Variants in DAP observed in about 807,000 individuals in gnomAD.
DAP encodes death-associated protein 1.
Under a neutral mutation model 13.8 loss-of-function variants are expected in DAP, and 8 were observed. That is an observed-to-expected ratio of 0.58 (90% CI 0.34 to 1.05). The LOEUF (loss-of-function observed/expected upper bound fraction) is 1.05, where lower values mean the gene tolerates loss of function less well. DAP is among the 50% of genes least tolerant of loss of function. The pLI is 0.03. For missense variants in DAP, 106 were observed against 133.2 expected, an observed-to-expected ratio of 0.80 and a Z score of 1.01; for synonymous variants, 47 against 47.5, an observed-to-expected ratio of 0.99 and a Z score of 0.04.
At chr5:10,693,125 C>CAA (rs1491541819) in intron 2 of DAP, among the ~76,000 whole-genome samples, 1 of 280 alleles carries the variant, frequency 3.6e-3, no homozygotes, top group African/African-American at 0.031. Flanking sequence ...CATGCACACG[C>CAA]ACACACACAC....
rs565600773 is a variant in DAP at position 10,759,014 on chromosome 5, C to T, written c.55+2000G>A. Among the ~76,000 whole-genome samples, 8 of 152,214 alleles carry T rather than the reference C, an allele frequency of 5.3e-5. 1 individual carries two copies. The South Asian group carries it at 6.2e-4, about 12-fold the overall frequency. Reference sequence around the variant, plus strand: ...CCAGCCTGGCCAACATGGCAAAATCCGGTCTCTACTAAAAATACAAAAATC... The same window carrying T: ...CCAGCCTGGCCAACATGGCAAAATCTGGTCTCTACTAAAAATACAAAAATC... On this transcript the variant is annotated intron_variant, in intron 1 of 3. Coordinates refer to ENST00000230895, the MANE Select transcript of DAP (RefSeq NM_004394.3).
intron 2 of DAP, among the ~76,000 whole-genome samples, chr5:10,738,199 G>C (rs1739662090): frequency 6.6e-6 from 1 of 152,162 alleles, no homozygotes; most frequent in African/African-American, 2.4e-5. Flanking sequence ...GGCAGCCCTG[G>C]GAAACAAATA....
At chr5:10,721,166 T>C (rs1457031182) in intron 2 of DAP, among the ~76,000 whole-genome samples, 1 of 152,192 alleles carries the variant, frequency 6.6e-6, no homozygotes, top group African/African-American at 2.4e-5. Context: ...GTGTATGCTC[T>C]CAGTCAGCCT....
At position 10,748,160 on chromosome 5, in the gene DAP, C is replaced by G. The variant is rs149545161; in HGVS notation, c.152+15G>C. The G allele has an allele frequency of 1.3e-6, 2 of 1,574,906 alleles. No homozygotes were observed. The highest frequency in any genetic ancestry group is 1.7e-6 in the Non-Finnish European group (2 of 1,144,176). ...TTTTGGAAAACATGCTCAAGAGTCG[C>G]TAGCATCATCCCACCTGGGGCTTTC... On this transcript the variant is annotated intron_variant, in intron 2 of 3. Transcript: ENST00000230895.
At chr5:10,754,791 C>T (rs529029071) in intron 1 of DAP, among the ~76,000 whole-genome samples, 1 of 152,206 alleles carries the variant, frequency 6.6e-6, no homozygotes, top group Non-Finnish European at 1.5e-5. Flanking sequence ...GAGGCTAGGA[C>T]TAGTCAGGTG....
chr5:10,718,000 T>C (rs989094269), intron 2 of DAP, among the ~76,000 whole-genome samples: 4 of 152,144 alleles, frequency 2.6e-5, no homozygotes, highest in African/African-American at 9.7e-5. Flanking sequence ...CCAGAACCCC[T>C]TGAATGAAGG....
At chr5:10,719,906 A>G (rs1739094477) in intron 2 of DAP, among the ~76,000 whole-genome samples, 1 of 152,200 alleles carries the variant, frequency 6.6e-6, no homozygotes, top group Admixed American at 6.5e-5. Context: ...CCAAAAGTAG[A>G]CAGCTGCAGC....
intron 2 of DAP, among the ~76,000 whole-genome samples, chr5:10,715,211 A>G (rs755292428): frequency 3.9e-5 from 6 of 152,090 alleles, no homozygotes; most frequent in South Asian, 2.1e-4. Context: ...AATGTTGGAG[A>G]GGTTAAAGAC....
intron 2 of DAP, among the ~76,000 whole-genome samples, chr5:10,705,840 G>C (rs1416225980): frequency 3.3e-5 from 5 of 152,274 alleles, no homozygotes; most frequent in Non-Finnish European, 7.4e-5. Context: ...TGGTTAGGTG[G>C]GTATGCTGGA....
At chr5:10,749,039 G>A (rs1004559735) in intron 1 of DAP, among the ~76,000 whole-genome samples, 1 of 152,080 alleles carries the variant, frequency 6.6e-6, no homozygotes, top group South Asian at 2.1e-4. Context: ...TGCTTATTTC[G>A]GACATGTGAT....
chr5:10,758,221 T>TA lies in DAP; in HGVS notation c.55+2792_55+2793insT, dbSNP rs1561038808. 4.7e-3 allele frequency among the ~76,000 whole-genome samples: 713 copies of TA among 151,548 alleles called. 6 individuals are homozygous for TA. The highest frequency in any genetic ancestry group is 0.016 in the African/African-American group (652 of 41,224). On this transcript the variant is annotated intron_variant, in intron 1 of 3. Coordinates refer to ENST00000230895, the MANE Select transcript of DAP (RefSeq NM_004394.3). The stretch of plus-strand genomic sequence containing the variant: ...AGTGGGCCGCCTTTTTTTTTTTTTT[T>TA]TAAAAACTATCTACCCTTCAGAGCT...
At chr5:10,757,989 T>C (rs1740235088) in intron 1 of DAP, among the ~76,000 whole-genome samples, 1 of 151,998 alleles carries the variant, frequency 6.6e-6, no homozygotes, top group South Asian at 2.1e-4. Context: ...GTACAGGAGA[T>C]ATGGGCCAGA....
chr5:10,680,481 C>G lies in DAP; in HGVS notation c.*575G>C. On this transcript the variant is annotated 3_prime_UTR_variant, in exon 4 of 4. Transcript: ENST00000230895. ...TGAGGGGCTATTTCTAAGATGCATGCTTTTTCGGCTTTTCTCATGGGTGCC... is the reference window on the plus strand; with the variant it reads ...TGAGGGGCTATTTCTAAGATGCATGGTTTTTCGGCTTTTCTCATGGGTGCC... 1 of 537,316 alleles carries G rather than the reference C, an allele frequency of 1.9e-6. No homozygotes were observed. The highest frequency in any genetic ancestry group is 3.3e-6 in the Non-Finnish European group (1 of 305,504). The allele number at this position is 537,316 out of a possible 1,614,324, so 33.3% of individuals were successfully genotyped here. A position where few individuals can be genotyped will look rare whatever the true frequency, so the allele number is the denominator to read the frequency against.
chr5:10,690,296 C>T (rs1738275333), intron 2 of DAP, among the ~76,000 whole-genome samples: 1 of 152,182 alleles, frequency 6.6e-6, no homozygotes, highest in Non-Finnish European at 1.5e-5. Context: ...GCTTTGAAAC[C>T]CCAGCCAGCT....
chr5:10,689,668 G>A (rs149457856), intron 2 of DAP, among the ~76,000 whole-genome samples: 2 of 152,330 alleles, frequency 1.3e-5, no homozygotes, highest in Non-Finnish European at 2.9e-5. Context: ...CGGGTGTGGC[G>A]ATGAGCCAGG....
At chr5:10,709,892 C>G (rs1316102609) in intron 2 of DAP, among the ~76,000 whole-genome samples, 1 of 152,190 alleles carries the variant, frequency 6.6e-6, no homozygotes, top group Non-Finnish European at 1.5e-5. Context: ...GGACCCAGGG[C>G]ATCGGTATGG....
chr5:10,688,864 T>A (rs1738224323), intron 2 of DAP, among the ~76,000 whole-genome samples: 1 of 151,810 alleles, frequency 6.6e-6, no homozygotes, highest in Admixed American at 6.5e-5. Flanking sequence ...TGGGTGTTCC[T>A]GACAGGCTCC....
chr5:10,720,618 C>T (rs1418946645), intron 2 of DAP, among the ~76,000 whole-genome samples: 1 of 152,192 alleles, frequency 6.6e-6, no homozygotes, highest in South Asian at 2.1e-4. Flanking sequence ...ATGGAGGTTA[C>T]GCATGGGCTC....
intron 2 of DAP, among the ~76,000 whole-genome samples, chr5:10,736,356 C>T (rs1208652398): frequency 6.6e-6 from 1 of 152,196 alleles, no homozygotes; most frequent in Non-Finnish European, 1.5e-5. Flanking sequence ...CCACTCTAAC[C>T]TGGGTGGAGA....
Sources: allele counts gnomAD v4.1 joint callset (sites outside exome capture counted in the v4.1 genomes callset), GRCh38; gene constraint gnomAD v4.1.1; transcripts MANE v1.5; gene names NCBI Gene and HGNC (gene_info 2026-07-23, HGNC 2026-07-21).